STARD13: variants seen among roughly 807,000 people sequenced by gnomAD.
STARD13 encodes StAR related lipid transfer domain containing 13, also known as stAR-related lipid transfer protein 13.
A neutral mutation model predicts 106.4 loss-of-function variants in STARD13; 62 were observed. The observed-to-expected ratio is 0.58, with a 90% CI of 0.48 to 0.72. The LOEUF (loss-of-function observed/expected upper bound fraction) is 0.72. Among genes scored for constraint, STARD13 ranks in the 30% least tolerant of loss-of-function variants. STARD13 has a pLI of 0.00. For synonymous variants in STARD13, 565 were observed against 553.0 expected (o/e 1.02, Z -0.31); for missense variants, 1,387 against 1,424.0 (o/e 0.97, Z 0.42).
At chr13:33,468,262 A>G in the STARD13 span, among the ~76,000 whole-genome samples, 4 of 152,224 alleles carry the variant, frequency 2.6e-5, no homozygotes, top group Non-Finnish European at 5.9e-5. Context: ...AGAAATTGGT[A>G]TCTCTACAGG....
At chr13:33,171,874 G>A (rs1422736660) in intron 1 of STARD13, among the ~76,000 whole-genome samples, 1 of 152,206 alleles carries the variant, frequency 6.6e-6, no homozygotes, top group Non-Finnish European at 1.5e-5. Context: ...CACATGCTTT[G>A]AGCATGATGT....
the STARD13 span, among the ~76,000 whole-genome samples, chr13:33,483,669 C>T: frequency 6.6e-6 from 1 of 152,096 alleles, no homozygotes; most frequent in Admixed American, 6.5e-5. Context: ...TGTGGTTTTC[C>T]CACACTTGTA....
intron 1 of STARD13, among the ~76,000 whole-genome samples, chr13:33,317,602 C>T (rs185718495): frequency 1.3e-5 from 2 of 152,266 alleles, no homozygotes; most frequent in African/African-American, 2.4e-5. Flanking sequence ...ATATCACCAT[C>T]CTTGAGAAGT....
intron 1 of STARD13, among the ~76,000 whole-genome samples, chr13:33,266,362 GC>G (rs1890896980): frequency 6.6e-6 from 1 of 152,100 alleles, no homozygotes; most frequent in South Asian, 2.1e-4. Flanking sequence ...ATTCAGTCTG[GC>G]CACTTCAAAC....
the STARD13 span, among the ~76,000 whole-genome samples, chr13:33,515,933 C>A: frequency 6.6e-6 from 1 of 151,836 alleles, no homozygotes; most frequent in Non-Finnish European, 1.5e-5. Context: ...TGACAATTAG[C>A]GATTCTCTGT....
intron 3 of STARD13, among the ~76,000 whole-genome samples, chr13:33,147,708 G>C (rs1481692667): frequency 6.6e-6 from 1 of 152,080 alleles, no homozygotes; most frequent in Non-Finnish European, 1.5e-5. Flanking sequence ...CCAAAACAGT[G>C]GATATCAGCA....
chr13:33,254,823 C>T (rs1373804513), intron 1 of STARD13, among the ~76,000 whole-genome samples: 1 of 152,144 alleles, frequency 6.6e-6, no homozygotes, highest in Admixed American at 6.5e-5. Context: ...CACTCCAACC[C>T]CTCTTTGGCT....
At chr13:33,236,534 A>G (rs1889198943) in intron 1 of STARD13, among the ~76,000 whole-genome samples, 1 of 152,260 alleles carries the variant, frequency 6.6e-6, no homozygotes, top group Admixed American at 6.5e-5. Flanking sequence ...GGAGTGCTAA[A>G]TCAGAAGCTT....
chr13:33,185,730 G>A, intron 1 of STARD13: 2 of 697,018 alleles, frequency 2.9e-6, no homozygotes, highest in Non-Finnish European at 4.8e-6. Context: ...TTTCCTCTTT[G>A]CCTCTCTGAT....
the STARD13 span, among the ~76,000 whole-genome samples, chr13:33,613,530 G>A: frequency 4.6e-5 from 7 of 152,206 alleles, no homozygotes; most frequent in African/African-American, 1.7e-4. Flanking sequence ...CCCAGAGGAA[G>A]GGCGAATGGC....
chr13:33,287,115 A>G (rs1002159726), upstream of STARD13, among the ~76,000 whole-genome samples: 6 of 152,214 alleles, frequency 3.9e-5, no homozygotes, highest in Non-Finnish European at 7.3e-5. Flanking sequence ...ACGGAAACAT[A>G]GCCTGGCTGG....
the STARD13 span, among the ~76,000 whole-genome samples, chr13:33,581,845 A>C: frequency 6.6e-6 from 1 of 152,210 alleles, no homozygotes; most frequent in African/African-American, 2.4e-5. Context: ...CAATAAAGGA[A>C]GGTTACTACA....
intron 1 of STARD13, among the ~76,000 whole-genome samples, chr13:33,183,796 C>A (rs1371876319): frequency 1.3e-5 from 2 of 152,122 alleles, no homozygotes; most frequent in Non-Finnish European, 2.9e-5. Flanking sequence ...CAGGACCACC[C>A]AAAATCTCCC....
At chr13:33,445,533 C>CTCAAATAACCTTTTCCTAAA in the STARD13 span, among the ~76,000 whole-genome samples, 677 of 152,188 alleles carry the variant, frequency 4.4e-3, 5 homozygotes, top group African/African-American at 0.014. Flanking sequence ...TGAATTATAT[C>CTCAAATAACCTTTTCCTAAA]TCAAATAACC....
Position 33,106,810 on chromosome 13 carries a change from G to T in STARD13, c.3172C>A (p.Pro1058Thr). The T allele has an allele frequency of 6.2e-7, 1 of 1,614,070 alleles. No individual in the cohort carries two copies. The highest frequency in any genetic ancestry group is 8.5e-7 in the Non-Finnish European group (1 of 1,179,974). ...AGTCTTGACTTGCCAGAGCCACACG[G>T]TTCTATCAAGTACTGCGAGTCCATC... ...VVMDSQYLIE[P>T]CGSGKSRLTH... The change falls in exon 13 of 14, where the codon CCG becomes ACG. Residue 1058 changes from proline to threonine, a missense_variant. Physicochemically the swap from Pro to Thr is conservative, Grantham distance 38. Transcript: ENST00000336934.
chr13:33,471,266 A>G, the STARD13 span, among the ~76,000 whole-genome samples: 1 of 152,192 alleles, frequency 6.6e-6, no homozygotes, highest in African/African-American at 2.4e-5. Context: ...AAATTGCCCT[A>G]GCCATGTAGC....
At chr13:33,181,937 C>T (rs1440023880) in intron 1 of STARD13, among the ~76,000 whole-genome samples, 8 of 152,118 alleles carry the variant, frequency 5.3e-5, no homozygotes, top group South Asian at 2.1e-4. Context: ...ACAAAAGAAT[C>T]GGTCTCGCTT....
At position 33,350,578 on chromosome 13, in the gene STARD13, C is replaced by T. The variant is rs1221893780; in HGVS notation, c.-165G>A. 2.2e-6 allele frequency: 3 copies of T among 1,390,936 alleles called. No homozygotes were observed. The East Asian group carries it at 8.6e-5, about 40-fold the overall frequency. The allele number at this position is 1,390,936 out of a possible 1,614,324, so 86.2% of individuals were successfully genotyped here. A position where few individuals can be genotyped will look rare whatever the true frequency, so the allele number is the denominator to read the frequency against. ...GTCGGTCCGGCGCTGGGAGGCTGCGCCACGCGCGAGGACCGGGATGCCTGG... is the reference window on the plus strand; with the variant it reads ...GTCGGTCCGGCGCTGGGAGGCTGCGTCACGCGCGAGGACCGGGATGCCTGG... On this transcript the variant is annotated 5_prime_UTR_variant, in exon 1 of 2. Coordinates refer to the STARD13 transcript ENST00000439831.
At chr13:33,354,899 G>C (rs567687451), upstream of STARD13, among the ~76,000 whole-genome samples, 1 of 150,612 alleles carries the variant, frequency 6.6e-6, no homozygotes, top group Admixed American at 6.6e-5. Flanking sequence ...TTTTTTCCTT[G>C]CATATTAAAA....
Sources: allele counts gnomAD v4.1 joint callset (sites outside exome capture counted in the v4.1 genomes callset), GRCh38; gene constraint gnomAD v4.1.1; transcripts MANE v1.5; gene names NCBI Gene and HGNC (gene_info 2026-07-23, HGNC 2026-07-21).